NDST3: variants seen among roughly 807,000 people sequenced by gnomAD.
NDST3 encodes N-deacetylase and N-sulfotransferase 3, also known as bifunctional heparan sulfate N-deacetylase/N-sulfotransferase 3.
Under a neutral mutation model 96.1 loss-of-function variants are expected in NDST3, and 58 were observed. The ratio of observed to expected loss-of-function variants is 0.60; its 90% CI spans 0.49 to 0.75. The LOEUF is 0.75. Among genes scored for constraint, NDST3 ranks in the 30% least tolerant of loss-of-function variants. The pLI, the probability that NDST3 is intolerant of heterozygous loss-of-function variation, is 0.00. For synonymous variants in NDST3, 333 were observed against 359.7 expected (o/e 0.93, Z 0.84); for missense variants, 788 against 1,034.2 (o/e 0.76, Z 3.27).
intron 1 of NDST3, among the ~76,000 whole-genome samples, chr4:118,035,675 G>A (rs888916748): frequency 9.9e-5 from 15 of 151,792 alleles, no homozygotes; most frequent in Admixed American, 2.6e-4. Flanking sequence ...AACATATAAA[G>A]AGGCTTGCCT....
At chr4:118,122,388 GAAGT>G (rs1199196050) in intron 4 of NDST3, among the ~76,000 whole-genome samples, 2 of 152,198 alleles carry the variant, frequency 1.3e-5, no homozygotes, top group African/African-American at 4.8e-5. Flanking sequence ...GATGGCAGAA[GAAGT>G]AAGAGTCAAT....
At chr4:118,079,032 C>T (rs1351936789) in intron 2 of NDST3, among the ~76,000 whole-genome samples, 1 of 152,066 alleles carries the variant, frequency 6.6e-6, no homozygotes, top group African/African-American at 2.4e-5. Context: ...AAAATTAATT[C>T]TTATAAATGC....
rs1390672931 is a variant in NDST3 at position 118,054,852 on chromosome 4, G to A, written c.942G>A (p.Val314=). The change falls in exon 2 of 14, where the codon GTG becomes GTA. Residue 314 remains valine, a synonymous_variant. Transcript: ENST00000296499. ...TTGTGGATATTGATGATATATTTGT[G>A]GGAAAAGAGGGAACAAGAATGAACA... ...YILVDIDDIF[V]GKEGTRMNTN... 1 of 1,612,164 alleles carries A rather than the reference G, an allele frequency of 6.2e-7. No individual in the cohort carries two copies. The highest frequency in any genetic ancestry group is 1.1e-5 in the South Asian group (1 of 91,050).
In NDST3 at chr4:118,093,018, G is replaced by C. The variant is rs1395102212; in HGVS notation, c.982-12000G>C. The stretch of plus-strand genomic sequence containing the variant: ...GTGATGCTCTGAGGAAGAGACTTAG[G>C]GGCAGAGAAAATAACAGCATGAGTA... On this transcript the variant is annotated intron_variant, in intron 2 of 13. Coordinates refer to ENST00000296499, the MANE Select transcript of NDST3 (RefSeq NM_004784.3). 1.0e-3 allele frequency among the ~76,000 whole-genome samples: 19 copies of C among 19,090 alleles called. No individual in the cohort carries two copies. In the Non-Finnish European group the frequency reaches 0.029, roughly 29 times the overall value. 12.5% of individuals were successfully genotyped at this position (19,090 alleles called of 152,430 possible).
intron 2 of NDST3, among the ~76,000 whole-genome samples, chr4:118,071,743 A>C (rs1452367358): frequency 1.3e-5 from 2 of 152,134 alleles, no homozygotes; most frequent in Non-Finnish European, 2.9e-5. Flanking sequence ...ATGTGTCTTT[A>C]AGGTAGAACA....
intron 13 of NDST3, among the ~76,000 whole-genome samples, chr4:118,255,101 T>C (rs1742031928): frequency 6.6e-6 from 1 of 152,234 alleles, no homozygotes; most frequent in Non-Finnish European, 1.5e-5. Context: ...AAAGCTAAAA[T>C]GTTTAAGAGA....
chr4:118,183,985 C>T (rs946686741), intron 6 of NDST3, among the ~76,000 whole-genome samples: 1 of 152,190 alleles, frequency 6.6e-6, no homozygotes, highest in Non-Finnish European at 1.5e-5. Flanking sequence ...CACTTACTCA[C>T]GGTGCTAGAA....
intron 2 of NDST3, among the ~76,000 whole-genome samples, chr4:118,060,908 T>C (rs1725842284): frequency 6.6e-6 from 1 of 152,176 alleles, no homozygotes; most frequent in African/African-American, 2.4e-5. Flanking sequence ...TTAGGCACTG[T>C]TGTTTTTACT....
rs1272871562 is a variant in NDST3 at position 118,137,140 on chromosome 4, CTG to C, written c.1225-912_1225-911del. ...ATACTATGATTCTGTGTATGTGAAA[CTG>C]TTATTTGGCATGAAGACAGTCATTA... On this transcript the variant is annotated intron_variant, in intron 4 of 13. Transcript: ENST00000296499. Among the ~76,000 whole-genome samples, 5 of 152,228 alleles carry C rather than the reference CTG, an allele frequency of 3.3e-5. No individual in the cohort carries two copies. In the East Asian group the frequency reaches 9.6e-4, roughly 29 times the overall value.
chr4:118,076,857 T>C (rs1007498213), intron 2 of NDST3, among the ~76,000 whole-genome samples: 11 of 152,226 alleles, frequency 7.2e-5, no homozygotes. Context: ...CGTTTTGAGG[T>C]AAGAGGGCAC....
intron 1 of NDST3, among the ~76,000 whole-genome samples, chr4:118,050,619 G>A (rs1430210291): frequency 6.6e-6 from 1 of 151,854 alleles, no homozygotes; most frequent in African/African-American, 2.4e-5. Context: ...ACAATCCCAT[G>A]TACAATAGCC....
chr4:118,247,882 A>G (rs1741422960), intron 12 of NDST3, among the ~76,000 whole-genome samples: 1 of 152,188 alleles, frequency 6.6e-6, no homozygotes, highest in Non-Finnish European at 1.5e-5. Context: ...TATCTAAATG[A>G]TGGTATTTTG....
intron 4 of NDST3, among the ~76,000 whole-genome samples, chr4:118,126,537 C>CATATATATATATATACACATATAT (rs1553933946): frequency 0.099 from 1,995 of 20,122 alleles, 24 homozygotes; most frequent in African/African-American, 0.12. Context: ...TATATATACA[C>CATATATATATATATACACATATAT]ATATATATAT....
intron 2 of NDST3, among the ~76,000 whole-genome samples, chr4:118,083,980 A>G (rs2125821415): frequency 6.6e-6 from 1 of 152,314 alleles, no homozygotes; most frequent in Non-Finnish European, 1.5e-5. Context: ...AATGAGAACA[A>G]TAGGTTCACA....
intron 2 of NDST3, among the ~76,000 whole-genome samples, chr4:118,087,136 T>G (rs895533309): frequency 6.6e-6 from 1 of 152,086 alleles, no homozygotes; most frequent in African/African-American, 2.4e-5. Flanking sequence ...CTGTGTGGGT[T>G]TAAGGAAATC....
intron 2 of NDST3, among the ~76,000 whole-genome samples, chr4:118,079,741 T>G (rs1727857818): frequency 6.6e-6 from 1 of 152,184 alleles, no homozygotes; most frequent in Non-Finnish European, 1.5e-5. Context: ...GTATGGAGAA[T>G]GGACTGTAGA....
At chr4:118,043,249 A>G (rs1051972393) in intron 1 of NDST3, among the ~76,000 whole-genome samples, 5 of 152,234 alleles carry the variant, frequency 3.3e-5, no homozygotes, top group African/African-American at 1.2e-4. Context: ...TTGTAACTTC[A>G]AAAGATAAGT....
In NDST3 at chr4:118,226,869, GTTC is replaced by G. The variant is rs1291721768; in HGVS notation, c.1723-12_1723-10del. 13 of 1,579,660 alleles carry G rather than the reference GTTC, an allele frequency of 8.2e-6. No homozygotes were observed. Among genetic ancestry groups the G allele is most frequent in the Admixed American group, 1.7e-5 (1 of 57,748 alleles). ...TTCATGAAAAAAAATACATCTCTAT[GTTC>G]TTCTCCCATTTAGAATCCTTGCGAT... On this transcript the variant is annotated splice_polypyrimidine_tract_variant and intron_variant, in intron 7 of 13. Transcript: ENST00000296499.
Position 118,237,258 on chromosome 4 carries a change from G to A in NDST3, c.2118+38G>A, listed in dbSNP as rs375943901. 4.5e-6 allele frequency: 7 copies of A among 1,555,234 alleles called. No individual in the cohort carries two copies. In the African/African-American group the frequency reaches 5.5e-5, roughly 12 times the overall value. The stretch of plus-strand genomic sequence containing the variant: ...CAAATAAAATCCAACAGGGAGAAGT[G>A]GAGTATGGACAATGGAGCATTGTTT... On this transcript the variant is annotated intron_variant, in intron 10 of 13. Coordinates refer to ENST00000296499, the MANE Select transcript of NDST3 (RefSeq NM_004784.3).
Sources: allele counts gnomAD v4.1 joint callset (sites outside exome capture counted in the v4.1 genomes callset), GRCh38; gene constraint gnomAD v4.1.1; transcripts MANE v1.5; gene names NCBI Gene and HGNC (gene_info 2026-07-23, HGNC 2026-07-21).